PLCL2: variants seen among roughly 807,000 people sequenced by gnomAD.
The protein encoded by PLCL2 is inactive phospholipase C-like protein 2.
In PLCL2, 4 loss-of-function variants were observed where a neutral mutation model predicts 79.6. The ratio of observed to expected loss-of-function variants is 0.05; its 90% CI spans 0.02 to 0.11. The LOEUF (loss-of-function observed/expected upper bound fraction) is 0.11. Ranked by LOEUF, PLCL2 falls within the 10% of genes least tolerant of loss-of-function variation. PLCL2 has a pLI of 1.00. For missense variants in PLCL2, 895 were observed against 1,291.0 expected (o/e 0.69, Z 4.70); for synonymous variants, 484 against 457.7 (o/e 1.06, Z -0.73).
intron 1 of PLCL2, among the ~76,000 whole-genome samples, chr3:16,962,728 C>G (rs192443833): frequency 1.1e-3 from 171 of 152,110 alleles, no homozygotes; most frequent in African/African-American, 4.0e-3. Flanking sequence ...ATTACTAGGG[C>G]CTTTCTAAAC....
At chr3:16,935,824 ACAC>A (rs1697526004) in intron 1 of PLCL2, among the ~76,000 whole-genome samples, 1 of 152,210 alleles carries the variant, frequency 6.6e-6, no homozygotes, top group Non-Finnish European at 1.5e-5. Flanking sequence ...ATGGCTCCCA[ACAC>A]CCATTCAGAA....
rs540110976 is a variant in PLCL2, at chr3:17,068,445, T to C, written c.3204+380T>C. ...GTTACTCAAATTTCATTTAACACTTTAAAGTGTAATTATGGCTATAATGTT... is the reference window on the plus strand; with the variant it reads ...GTTACTCAAATTTCATTTAACACTTCAAAGTGTAATTATGGCTATAATGTT... On this transcript the variant is annotated intron_variant, in intron 5 of 5. Transcript: ENST00000615277. 1.9e-4 allele frequency among the ~76,000 whole-genome samples: 29 copies of C among 152,350 alleles called. 1 individual carries two copies. In the South Asian group the frequency reaches 6.0e-3, roughly 32 times the overall value.
At chr3:16,942,521 A>G (rs1449751835) in intron 1 of PLCL2, among the ~76,000 whole-genome samples, 1 of 152,166 alleles carries the variant, frequency 6.6e-6, no homozygotes, top group Non-Finnish European at 1.5e-5. Flanking sequence ...ACCGAAGCAC[A>G]TGGCAGGAGA....
intron 1 of PLCL2, among the ~76,000 whole-genome samples, chr3:16,960,810 C>G (rs962119860): frequency 1.3e-5 from 2 of 152,214 alleles, no homozygotes; most frequent in Non-Finnish European, 2.9e-5. Flanking sequence ...ATTTTCCTAA[C>G]TTACTTTAAG....
At chr3:17,036,085 T>C (rs556080170) in intron 3 of PLCL2, among the ~76,000 whole-genome samples, 1 of 152,254 alleles carries the variant, frequency 6.6e-6, no homozygotes, top group South Asian at 2.1e-4. Context: ...GTTTTCATAG[T>C]GACCTTGCTG....
At chr3:16,926,931 A>AT (rs577050228) in intron 1 of PLCL2, among the ~76,000 whole-genome samples, 9 of 150,954 alleles carry the variant, frequency 6.0e-5, no homozygotes, top group Admixed American at 2.6e-4. Flanking sequence ...GCCCGGCCAC[A>AT]TTTTTTTTTA....
chr3:17,011,168 C>T lies in PLCL2; in HGVS notation c.1822C>T (p.Pro608Ser), dbSNP rs1351111727. 5 of 1,614,146 alleles carry T rather than the reference C, an allele frequency of 3.1e-6. No individual in the cohort carries two copies. Among genetic ancestry groups the T allele is most frequent in the Non-Finnish European group, 3.4e-6 (4 of 1,180,026 alleles). The part of the protein sequence containing the change: ...KENMEQPNNV[P>S]VKRFQLCKEL... ...GAACATGGAGCAACCCAATAATGTGCCTGTGAAGCGATTTCAGCTTTGTAA... is the reference window on the plus strand; with the variant it reads ...GAACATGGAGCAACCCAATAATGTGTCTGTGAAGCGATTTCAGCTTTGTAA... The change falls in exon 2 of 6, where the codon CCT (proline) becomes TCT (serine). Residue 608 changes from proline (P) to serine (S), a missense_variant. Transcript: ENST00000615277. The surrounding 1 kb of genome is among the most constrained non-coding windows in gnomAD (Gnocchi z 7.9).
At chr3:17,076,077 A>G (rs1028047942) in intron 5 of PLCL2, among the ~76,000 whole-genome samples, 1 of 152,198 alleles carries the variant, frequency 6.6e-6, no homozygotes, top group Non-Finnish European at 1.5e-5. Flanking sequence ...TGTGAGACTG[A>G]TAAGAAACTG....
rs867591803 is a variant in PLCL2, at chr3:17,003,078, T to C, written c.328-6596T>C. Among the ~76,000 whole-genome samples, 2 of 152,230 alleles carry C rather than the reference T, an allele frequency of 1.3e-5. 1 individual carries two copies. The highest frequency in any genetic ancestry group is 4.1e-4 in the South Asian group (2 of 4,828). On this transcript the variant is annotated intron_variant, in intron 1 of 5. Coordinates refer to ENST00000615277, the MANE Select transcript of PLCL2 (RefSeq NM_001144382.2). ...ATCTTCCCATTTAATAGTTTCAGCATCTTCTGAGTCACTTCTAGAGTCTGG... is the reference window on the plus strand; with the variant it reads ...ATCTTCCCATTTAATAGTTTCAGCACCTTCTGAGTCACTTCTAGAGTCTGG...
intron 1 of PLCL2, among the ~76,000 whole-genome samples, chr3:16,969,693 C>T (rs992830830): frequency 1.3e-5 from 2 of 152,046 alleles, no homozygotes; most frequent in Non-Finnish European, 2.9e-5. Context: ...AAATAACCAA[C>T]TCCTGGATTC....
chr3:16,937,904 G>T (rs1697580101), intron 1 of PLCL2, among the ~76,000 whole-genome samples: 1 of 152,120 alleles, frequency 6.6e-6, no homozygotes, highest in African/African-American at 2.4e-5. Context: ...TGGATAACAG[G>T]TTACAGTTTT....
chr3:16,969,428 G>C (rs1228419543), intron 1 of PLCL2, among the ~76,000 whole-genome samples: 1 of 151,818 alleles, frequency 6.6e-6, no homozygotes, highest in Non-Finnish European at 1.5e-5. Flanking sequence ...GAACTTCTTT[G>C]GTCTGTTCAG....
chr3:16,973,040 T>A lies in PLCL2; in HGVS notation c.328-36634T>A, dbSNP rs114877988. Among the ~76,000 whole-genome samples the A allele has an allele frequency of 5.9e-3, 901 of 152,274 alleles. 11 individuals carry two copies. The highest frequency in any genetic ancestry group is 0.021 in the African/African-American group (861 of 41,550). Reference sequence around the variant, plus strand: ...TCCTGTCATCATGTTGTTAGCTGATTATTATGCAGACTCGGTTGCGTGATT... The same window carrying A: ...TCCTGTCATCATGTTGTTAGCTGATAATTATGCAGACTCGGTTGCGTGATT... On this transcript the variant is annotated intron_variant, in intron 1 of 5. Coordinates refer to ENST00000615277, the MANE Select transcript of PLCL2 (RefSeq NM_001144382.2).
At chr3:16,954,915 T>C (rs547301770) in intron 1 of PLCL2, among the ~76,000 whole-genome samples, 2 of 152,246 alleles carry the variant, frequency 1.3e-5, no homozygotes, top group Non-Finnish European at 2.9e-5. Flanking sequence ...CATTGTAGAT[T>C]CTGGATATCA....
intron 1 of PLCL2, among the ~76,000 whole-genome samples, chr3:16,989,969 T>C (rs1188003663): frequency 6.6e-6 from 1 of 152,160 alleles, no homozygotes; most frequent in Non-Finnish European, 1.5e-5. Flanking sequence ...GCCATTCTCA[T>C]CTAATAATGA....
At position 16,948,363 on chromosome 3, in the gene PLCL2, G is replaced by A. The variant is rs1289027344; in HGVS notation, c.328-61311G>A. Reference sequence around the variant, plus strand: ...TTAGTGGTTGCCTAGGGCTGGGGTCGGGGGTTGGGGGGACAAGGGGAGTGA... The same window carrying A: ...TTAGTGGTTGCCTAGGGCTGGGGTCAGGGGTTGGGGGGACAAGGGGAGTGA... On this transcript the variant is annotated intron_variant, in intron 1 of 5. Transcript: ENST00000615277. 7.9e-5 allele frequency among the ~76,000 whole-genome samples: 12 copies of A among 152,230 alleles called. No individual in the cohort carries two copies. In the East Asian group the frequency reaches 1.9e-3, roughly 24 times the overall value.
At chr3:16,926,751 C>T (rs1229236150) in intron 1 of PLCL2, among the ~76,000 whole-genome samples, 1 of 151,962 alleles carries the variant, frequency 6.6e-6, no homozygotes, top group Non-Finnish European at 1.5e-5. Flanking sequence ...CCTGCTTCAG[C>T]CTCCCGAGTA....
intron 3 of PLCL2, among the ~76,000 whole-genome samples, chr3:17,041,359 AG>A (rs1363924891): frequency 1.3e-5 from 2 of 152,178 alleles, no homozygotes; most frequent in African/African-American, 4.8e-5. Context: ...GGCTGCCTGC[AG>A]TAGACCCCAG....
intron 1 of PLCL2, chr3:16,933,397 A>G (rs2124944324): frequency 6.5e-6 from 1 of 154,486 alleles, no homozygotes; most frequent in African/African-American, 2.4e-5. Context: ...TAGTTAAACA[A>G]AAATCCAAAG....
Sources: gnomAD v4.1 joint callset for allele counts (sites outside exome capture counted in the v4.1 genomes callset) on GRCh38, gnomAD v4.1.1 for gene constraint, Gnocchi (gnomAD v3.1) non-coding constraint, MANE v1.5 for transcripts, NCBI Gene and HGNC (gene_info 2026-07-23, HGNC 2026-07-21) for gene names.